The following ZBTB20 variants were observed in gnomAD, a reference collection of about 807,000 sequenced individuals.
ZBTB20 encodes the protein zinc finger and BTB domain-containing protein 20.
A neutral mutation model predicts 56.9 loss-of-function variants in ZBTB20; 9 were observed. The observed-to-expected ratio is 0.16, with a 90% CI of 0.10 to 0.28. The LOEUF (loss-of-function observed/expected upper bound fraction) is 0.28. Ranked by LOEUF, ZBTB20 falls within the 10% of genes least tolerant of loss-of-function variation. The pLI is 1.00. For synonymous variants in ZBTB20, 417 were observed against 420.7 expected (o/e 0.99, Z 0.11); for missense variants, 655 against 1,003.0 (o/e 0.65, Z 4.69).
intron 6 of ZBTB20, among the ~76,000 whole-genome samples, chr3:114,669,943 T>C (rs943586827): frequency 3.9e-5 from 6 of 152,038 alleles, no homozygotes; most frequent in South Asian, 4.1e-4. Flanking sequence ...GTCAATTATA[T>C]ATGAAAGGAA....
At chr3:114,579,374 T>G (rs2054411132) in intron 6 of ZBTB20, among the ~76,000 whole-genome samples, 1 of 151,600 alleles carries the variant, frequency 6.6e-6, no homozygotes, top group Non-Finnish European at 1.5e-5. Context: ...TATGAAATAT[T>G]TAAAATTGAA....
In ZBTB20 at chr3:114,618,877, G is replaced by C. The variant is rs7632205; in HGVS notation, c.-295+74651C>G. Among the ~76,000 whole-genome samples the C allele has an allele frequency of 8.9e-3, 1,354 of 152,248 alleles. 27 individuals are homozygous for C. Among genetic ancestry groups the C allele is most frequent in the African/African-American group, 0.03 (1,253 of 41,538 alleles). On this transcript the variant is annotated intron_variant, in intron 6 of 11. Coordinates refer to ENST00000675478, the MANE Select transcript of ZBTB20 (RefSeq NM_001348800.3). Reference sequence around the variant, plus strand: ...TTGTTATACAATTTTGCTTCCTCTTGACTAGGAATGCAATTAGCAGGAGGT... The same window carrying C: ...TTGTTATACAATTTTGCTTCCTCTTCACTAGGAATGCAATTAGCAGGAGGT...
intron 6 of ZBTB20, among the ~76,000 whole-genome samples, chr3:114,591,896 T>G (rs951585659): frequency 1.3e-5 from 2 of 152,190 alleles, no homozygotes; most frequent in African/African-American, 4.8e-5. Context: ...AAATAATGAT[T>G]TGCAACCATT....
At chr3:114,952,606 A>T (rs1187470377) in intron 3 of ZBTB20, among the ~76,000 whole-genome samples, 1 of 151,790 alleles carries the variant, frequency 6.6e-6, no homozygotes, top group East Asian at 1.9e-4. Context: ...AAAAAAAAAA[A>T]TCAATCTCTG....
chr3:114,564,018 G>T (rs1160182762), intron 6 of ZBTB20, among the ~76,000 whole-genome samples: 1 of 152,042 alleles, frequency 6.6e-6, no homozygotes, highest in Non-Finnish European at 1.5e-5. Context: ...GTCTTTAAGA[G>T]AAAATCCCTT....
intron 6 of ZBTB20, among the ~76,000 whole-genome samples, chr3:114,572,925 C>G (rs2053591569): frequency 1.3e-5 from 2 of 152,194 alleles, no homozygotes; most frequent in East Asian, 1.9e-4. Flanking sequence ...TACTTTATTC[C>G]ACCCAATAAA....
intron 1 of ZBTB20, among the ~76,000 whole-genome samples, chr3:115,134,471 T>C (rs981838464): frequency 6.6e-6 from 1 of 152,080 alleles, no homozygotes; most frequent in African/African-American, 2.4e-5. Context: ...AGATCTATCC[T>C]CCAAATCTCA....
At chr3:114,516,513 AG>A (rs1412935479) in intron 6 of ZBTB20, among the ~76,000 whole-genome samples, 5 of 152,148 alleles carry the variant, frequency 3.3e-5, no homozygotes, top group African/African-American at 9.7e-5. Flanking sequence ...TACTACCTGA[AG>A]ATCTCTATTA....
intron 1 of ZBTB20, among the ~76,000 whole-genome samples, chr3:115,109,163 CA>C (rs1413333758): frequency 6.6e-6 from 1 of 152,146 alleles, no homozygotes; most frequent in Non-Finnish European, 1.5e-5. Context: ...CAATCTACAA[CA>C]ATGCCAGCAA....
At chr3:115,133,599 C>G (rs985665430) in intron 1 of ZBTB20, among the ~76,000 whole-genome samples, 3 of 152,184 alleles carry the variant, frequency 2.0e-5, no homozygotes, top group Non-Finnish European at 4.4e-5. Flanking sequence ...TATGCCTACT[C>G]TGGACACTTC....
At chr3:114,962,209 T>C (rs1024995088) in intron 3 of ZBTB20, among the ~76,000 whole-genome samples, 1 of 152,130 alleles carries the variant, frequency 6.6e-6, no homozygotes, top group Non-Finnish European at 1.5e-5. Flanking sequence ...ACATGAAAGA[T>C]AGAATTTAGC....
chr3:114,985,943 A>G (rs751602995), intron 2 of ZBTB20, among the ~76,000 whole-genome samples: 21 of 152,100 alleles, frequency 1.4e-4, no homozygotes, highest in Non-Finnish European at 2.6e-4. Context: ...AGCAATAAAC[A>G]TATAAACAAA....
rs75880447 is a variant in ZBTB20, at chr3:115,061,973, G to T, written c.-507+9246C>A. Among the ~76,000 whole-genome samples, 105 of 152,162 alleles carry T rather than the reference G, an allele frequency of 6.9e-4. No homozygotes were observed. In the East Asian group the frequency reaches 0.017, roughly 25 times the overall value. ...CATTATGCACTCTATGCTATAAAAT[G>T]ACAATATAAAAATATAATCCAATCT... is the stretch of plus-strand genomic sequence containing the variant. On this transcript the variant is annotated intron_variant, in intron 2 of 11. Transcript: ENST00000675478.
At chr3:114,727,537 C>CCT (rs2065397259) in intron 5 of ZBTB20, among the ~76,000 whole-genome samples, 1 of 152,216 alleles carries the variant, frequency 6.6e-6, no homozygotes, top group Non-Finnish European at 1.5e-5. Context: ...CAAACTTCCA[C>CCT]TATGTGGTAA....
intron 2 of ZBTB20, among the ~76,000 whole-genome samples, chr3:115,056,878 T>A (rs1028945049): frequency 6.6e-6 from 1 of 152,128 alleles, no homozygotes; most frequent in Non-Finnish European, 1.5e-5. Flanking sequence ...ACTCTCTTTA[T>A]TTAACCAGAA....
At position 114,334,550 on chromosome 3, in the gene ZBTB20, A is replaced by T. The variant is rs1464555851; in HGVS notation, c.*4455T>A. ...GGAGGAAAACTTTTTTCATTATCAG[A>T]ATTCACAAATTCTTACTGTTCATGG... On this transcript the variant is annotated 3_prime_UTR_variant, in exon 12 of 12. Transcript: ENST00000675478. The T allele has an allele frequency of 6.6e-6, 1 of 152,232 alleles. No individual in the cohort carries two copies. Among genetic ancestry groups the T allele is most frequent in the African/African-American group, 2.4e-5 (1 of 41,452 alleles). The allele number at this position is 152,232 out of a possible 1,614,324, so 9.4% of individuals were successfully genotyped here.
chr3:114,371,163 C>T (rs2082959020), intron 10 of ZBTB20, among the ~76,000 whole-genome samples: 1 of 152,220 alleles, frequency 6.6e-6, no homozygotes, highest in Admixed American at 6.5e-5. Flanking sequence ...CCCCTCATAC[C>T]TAGTCCTGAT....
chr3:114,381,576 T>TTTCCC (rs2084347477), intron 8 of ZBTB20, among the ~76,000 whole-genome samples: 1 of 152,258 alleles, frequency 6.6e-6, no homozygotes, highest in Admixed American at 6.5e-5. Context: ...GAAAAAGCAT[T>TTTCCC]TATTTTATTT....
intron 6 of ZBTB20, among the ~76,000 whole-genome samples, chr3:114,619,962 G>C (rs1453408162): frequency 6.6e-6 from 1 of 152,224 alleles, no homozygotes; most frequent in East Asian, 1.9e-4. Flanking sequence ...GTGGAAGTTT[G>C]AGGAAAGGAA....
Sources: gnomAD v4.1 joint callset for allele counts (sites outside exome capture counted in the v4.1 genomes callset) on GRCh38, gnomAD v4.1.1 for gene constraint, MANE v1.5 for transcripts, NCBI Gene and HGNC (gene_info 2026-07-23, HGNC 2026-07-21) for gene names.